DYNC1I2: variants seen among roughly 807,000 people sequenced by gnomAD.
DYNC1I2 encodes the protein dynein cytoplasmic 1 intermediate chain 2.
A neutral mutation model predicts 88.6 loss-of-function variants in DYNC1I2; 53 were observed. That is an observed-to-expected ratio of 0.60 (90% CI 0.48 to 0.75). The LOEUF (loss-of-function observed/expected upper bound fraction) is 0.75, where lower values mean the gene tolerates loss of function less well. DYNC1I2 is among the 30% of genes least tolerant of loss of function. The probability of loss-of-function intolerance (pLI) is 0.00; values close to 1 mark genes in which losing one functional copy is unlikely to be tolerated. For synonymous variants in DYNC1I2, 198 were observed against 254.6 expected (o/e 0.78, Z 2.12); for missense variants, 458 against 766.6 (o/e 0.60, Z 4.75).
At chr2:171,694,219 T>TATA (rs1243191317) in intron 3 of DYNC1I2, among the ~76,000 whole-genome samples, 1 of 152,046 alleles carries the variant, frequency 6.6e-6, no homozygotes, top group Non-Finnish European at 1.5e-5. Context: ...GTACTTTTAG[T>TATA]AGAGACAGGG....
chr2:171,707,500 A>C, intron 5 of DYNC1I2, 123 bp downstream of exon 5: 3 of 791,206 alleles, frequency 3.8e-6, no homozygotes, highest in Non-Finnish European at 5.4e-6. Context: ...AAAATCTAAA[A>C]TGGCATAGAA....
intron 7 of DYNC1I2, among the ~76,000 whole-genome samples, chr2:171,716,375 G>C (rs772220150): frequency 2.2e-4 from 34 of 152,084 alleles, no homozygotes; most frequent in Admixed American, 9.8e-4. Flanking sequence ...CACCAAATGA[G>C]TTATGGATTT....
At position 171,692,808 on chromosome 2, in the gene DYNC1I2, T is replaced by C; in HGVS notation, c.140T>C (p.Val47Ala). The C allele has an allele frequency of 1.9e-6, 3 of 1,608,508 alleles. No homozygotes were observed. Among genetic ancestry groups the C allele is most frequent in the Non-Finnish European group, 2.5e-6 (3 of 1,177,570 alleles). ...CAGAAGAAGGAAGCTGTTGCTCCTG[T>C]GCAAGAAGAATCAGATCTTGAAAAA... is the stretch of plus-strand genomic sequence containing the variant. ...TDQKKEAVAP[V>A]QEESDLEKKR... The change falls in exon 3 of 18, where the codon GTG becomes GCG. Residue 47 changes from valine to alanine, a missense_variant. Transcript: ENST00000397119.
intron 7 of DYNC1I2, among the ~76,000 whole-genome samples, chr2:171,723,504 T>C (rs1043672792): frequency 3.3e-5 from 5 of 152,256 alleles, no homozygotes; most frequent in African/African-American, 1.2e-4. Context: ...ACATTACACC[T>C]GCAGGTGACT....
At chr2:171,741,467 T>C (rs1689423144) in intron 15 of DYNC1I2, among the ~76,000 whole-genome samples, 1 of 152,236 alleles carries the variant, frequency 6.6e-6, no homozygotes, top group African/African-American at 2.4e-5. Flanking sequence ...ATCCTAGTGG[T>C]ATGAAGTGAT....
At chr2:171,726,425 T>C (rs1047595987) in intron 10 of DYNC1I2, 132 bp downstream of exon 10, 1 of 660,316 alleles carries the variant, frequency 1.5e-6, no homozygotes, top group African/African-American at 1.8e-5. Flanking sequence ...ATGATGGTTC[T>C]AATGTTAACA....
chr2:171,701,313 ACAT>A (rs1429283965), intron 3 of DYNC1I2, among the ~76,000 whole-genome samples: 1 of 152,062 alleles, frequency 6.6e-6, no homozygotes, highest in Non-Finnish European at 1.5e-5. Context: ...GGGATTACAG[ACAT>A]CTGCCAACAA....
intron 1 of DYNC1I2, among the ~76,000 whole-genome samples, chr2:171,689,539 G>A (rs781305112): frequency 6.6e-6 from 1 of 151,996 alleles, no homozygotes; most frequent in Non-Finnish European, 1.5e-5. Context: ...TTTATCTTGG[G>A]TACCTAATAT....
At chr2:171,725,778 A>G (rs1688212467) in intron 8 of DYNC1I2, 65 bp downstream of exon 8, 1 of 1,307,408 alleles carries the variant, frequency 7.6e-7, no homozygotes, top group African/African-American at 1.5e-5. Flanking sequence ...TTTATTATGT[A>G]TTAAAGTAGG....
chr2:171,742,212 G>A (rs758293477), intron 15 of DYNC1I2, among the ~76,000 whole-genome samples: 38 of 151,188 alleles, frequency 2.5e-4, no homozygotes, highest in African/African-American at 2.2e-4. Context: ...CACTCCCATC[G>A]CCTAGGCTGG....
At chr2:171,708,818 G>C (rs1031236424) in intron 5 of DYNC1I2, among the ~76,000 whole-genome samples, 1 of 151,862 alleles carries the variant, frequency 6.6e-6, no homozygotes, top group Admixed American at 6.6e-5. Context: ...TCAGCCTCCC[G>C]AGTAGCTGGG....
chr2:171,743,561 A>T (rs974449676), intron 15 of DYNC1I2, among the ~76,000 whole-genome samples: 20 of 152,110 alleles, frequency 1.3e-4, no homozygotes, highest in Non-Finnish European at 2.2e-4. Flanking sequence ...TCTTCTTCCC[A>T]CACAGATACT....
At chr2:171,723,715 G>A (rs923882805) in intron 7 of DYNC1I2, among the ~76,000 whole-genome samples, 1 of 152,168 alleles carries the variant, frequency 6.6e-6, no homozygotes, top group African/African-American at 2.4e-5. Context: ...GGCATGCTTT[G>A]TAAGGAAGTG....
Position 171,726,270 on chromosome 2 carries a change from AGTT to A in DYNC1I2, c.851_853del (p.Cys284del), listed in dbSNP as rs780933857. ...ACGTTGGTCAAAGCATCGGGTGGTT[AGTT>A]GTTTGGATTGGTCATCTCAGGTAAA... On this transcript the variant is annotated inframe_deletion, in exon 10 of 18. Transcript: ENST00000397119. 9.3e-6 allele frequency: 15 copies of A among 1,611,580 alleles called. No individual in the cohort carries two copies. Among genetic ancestry groups the A allele is most frequent in the Non-Finnish European group, 1.2e-5 (14 of 1,179,244 alleles).
intron 15 of DYNC1I2, among the ~76,000 whole-genome samples, chr2:171,739,540 A>T (rs1210600258): frequency 6.6e-6 from 1 of 152,044 alleles, no homozygotes; most frequent in Non-Finnish European, 1.5e-5. Flanking sequence ...AAACCTCTTT[A>T]AAAAATACTA....
Position 171,725,596 on chromosome 2 carries a change from TTG to T in DYNC1I2, c.512-20_512-19del, listed in dbSNP as rs1491168841. On this transcript the variant is annotated intron_variant, in intron 7 of 17. Transcript: ENST00000397119. ...TCATTCTGTTTTTTTGTTTTTTTGTTTGTTTTTTTTTTTTTTTTCAGATGAAG... is the reference window on the plus strand; with the variant it reads ...TCATTCTGTTTTTTTGTTTTTTTGTTTTTTTTTTTTTTTTTTCAGATGAAG... The T allele has an allele frequency of 8.1e-4, 1,087 of 1,342,508 alleles. 4 individuals carry two copies. The Middle Eastern group carries it at 9.4e-3, about 12-fold the overall frequency. The allele number at this position is 1,342,508 out of a possible 1,614,324, so 83.2% of individuals were successfully genotyped here.
intron 6 of DYNC1I2, among the ~76,000 whole-genome samples, chr2:171,713,774 A>G (rs1028177061): frequency 2.0e-5 from 3 of 152,118 alleles, no homozygotes; most frequent in African/African-American, 7.2e-5. Context: ...ATAAGCCTTG[A>G]TTTGAGGCAT....
At chr2:171,726,528 A>G (rs1289572461) in intron 10 of DYNC1I2, 25 of 545,142 alleles carry the variant, frequency 4.6e-5, no homozygotes, top group Admixed American at 7.4e-5. Flanking sequence ...TACTAATTTC[A>G]GTTGCTCACC....
chr2:171,710,122 T>C (rs1474073), intron 5 of DYNC1I2, among the ~76,000 whole-genome samples: 32,816 of 143,272 alleles, frequency 0.23, 4,271 homozygotes, highest in Non-Finnish European at 0.3. Context: ...TATGTATATA[T>C]ACACACACAC....
Sources: gnomAD v4.1 joint callset for allele counts (sites outside exome capture counted in the v4.1 genomes callset) on GRCh38, gnomAD v4.1.1 for gene constraint, MANE v1.5 for transcripts, NCBI Gene and HGNC (gene_info 2026-07-23, HGNC 2026-07-21) for gene names.